Variants in ARID1B observed in about 807,000 individuals in gnomAD.
ARID1B encodes the protein AT-rich interactive domain-containing protein 1B.
ARID1B carries 30 observed loss-of-function variants against 212.3 expected under a neutral mutation model. The observed-to-expected ratio is 0.14, with a 90% confidence interval of 0.11 to 0.19. The LOEUF is 0.19. Ranked by LOEUF, ARID1B falls within the 10% of genes least tolerant of loss-of-function variation. The pLI is 1.00. For synonymous variants in ARID1B, 1,402 were observed against 1,301.7 expected (o/e 1.08, Z -1.66); for missense variants, 2,891 against 3,204.0 (o/e 0.90, Z 2.36).
rs540927693 is a variant in ARID1B, at chr6:157,099,784, G to A, written c.2492-10688G>A. On this transcript the variant is annotated intron_variant, in intron 5 of 19. Transcript: ENST00000636930. ...GGAGGAGAGTTGAAAAGCTTAATCC[G>A]GCAGGTTTTTGACAGTGTATTAGTT... Among the ~76,000 whole-genome samples the A allele has an allele frequency of 5.9e-5, 9 of 152,216 alleles. No homozygotes were observed. The South Asian group carries it at 1.5e-3, about 25-fold the overall frequency.
At chr6:157,136,106 A>G (rs1304873182) in intron 7 of ARID1B, among the ~76,000 whole-genome samples, 1 of 152,158 alleles carries the variant, frequency 6.6e-6, no homozygotes, top group African/African-American at 2.4e-5. Context: ...TGTTTTTTAT[A>G]TATTAACTCA....
chr6:157,180,060 C>A (rs1792394960), intron 11 of ARID1B, among the ~76,000 whole-genome samples: 1 of 151,934 alleles, frequency 6.6e-6, no homozygotes, highest in African/African-American at 2.4e-5. Flanking sequence ...TGTACAATAA[C>A]CCTAGTATTG....
Position 156,778,792 on chromosome 6 carries a change from A to G in ARID1B, c.1112A>G (p.Glu371Gly), listed in dbSNP as rs980540915. 32 of 1,504,292 alleles carry G rather than the reference A, an allele frequency of 2.1e-5. No homozygotes were observed. Among genetic ancestry groups the G allele is most frequent in the Middle Eastern group, 3.4e-4 (2 of 5,876 alleles). The allele number at this position is 1,504,292 out of a possible 1,614,324, so 93.2% of individuals were successfully genotyped here. The change falls in exon 1 of 20, where the codon GAA (glutamate) becomes GGA (glycine). Residue 371 changes from glutamate to glycine, a missense_variant. Transcript: ENST00000636930. ...ATGGACCCCCTGCAGAACTCCCACGAAGGGTACCCCAACAGCCAGTGCAAC... is the reference window on the plus strand; with the variant it reads ...ATGGACCCCCTGCAGAACTCCCACGGAGGGTACCCCAACAGCCAGTGCAAC... ...GSMDPLQNSHEGYPNSQCNHY... is the reference protein window; with the variant it reads ...GSMDPLQNSHGGYPNSQCNHY...
intron 4 of ARID1B, among the ~76,000 whole-genome samples, chr6:157,075,894 A>G (rs1000738721): frequency 1.3e-5 from 2 of 152,214 alleles, no homozygotes; most frequent in African/African-American, 4.8e-5. Flanking sequence ...GGAGGAGGCT[A>G]AGGAGACACG....
rs963501644 is a variant in ARID1B at position 156,800,908 on chromosome 6, T to G, written c.1791+21437T>G. On this transcript the variant is annotated intron_variant, in intron 1 of 19. Coordinates refer to ENST00000636930, the MANE Select transcript of ARID1B (RefSeq NM_001374828.1). ...AGACCGTGTCTCTTAAAAAAAAAAT[T>G]AATTAAATGAAATTAGTTAATGTCT... Among the ~76,000 whole-genome samples, 3 of 152,156 alleles carry G rather than the reference T, an allele frequency of 2.0e-5. No homozygotes were observed. The East Asian group carries it at 5.8e-4, about 29-fold the overall frequency.
At chr6:156,936,902 A>T (rs750370163) in intron 4 of ARID1B, 1 of 152,184 alleles carries the variant, frequency 6.6e-6, no homozygotes, top group Non-Finnish European at 1.5e-5. Flanking sequence ...TGCGTACCAT[A>T]CCATATACAT....
At chr6:156,813,093 C>CACATACGTATGTAT (rs1562404636) in intron 1 of ARID1B, among the ~76,000 whole-genome samples, 12 of 94,014 alleles carry the variant, frequency 1.3e-4, no homozygotes, top group African/African-American at 4.7e-4. Context: ...TATGTATATA[C>CACATACGTATGTAT]ATACATATAT....
At chr6:156,828,453 C>T (rs1166723967) in intron 1 of ARID1B, among the ~76,000 whole-genome samples, 2 of 152,166 alleles carry the variant, frequency 1.3e-5, no homozygotes, top group African/African-American at 2.4e-5. Context: ...CGGGTGAGGG[C>T]CTTTCTACCT....
At chr6:156,914,371 A>T (rs1790177279) in intron 3 of ARID1B, among the ~76,000 whole-genome samples, 1 of 152,198 alleles carries the variant, frequency 6.6e-6, no homozygotes, top group Admixed American at 6.5e-5. Context: ...TTCGCCTGTC[A>T]TTAGGATTCC....
intron 9 of ARID1B, among the ~76,000 whole-genome samples, chr6:157,171,650 T>G (rs1791724117): frequency 6.6e-6 from 1 of 152,236 alleles, no homozygotes; most frequent in Non-Finnish European, 1.5e-5. Context: ...CTATCCTTAT[T>G]TATCTCTCAA....
chr6:157,093,820 T>C (rs1469827902), intron 5 of ARID1B, among the ~76,000 whole-genome samples: 1 of 152,246 alleles, frequency 6.6e-6, no homozygotes, highest in South Asian at 2.1e-4. Context: ...AAGCCAACTA[T>C]CCTAATTGTT....
intron 5 of ARID1B, among the ~76,000 whole-genome samples, chr6:157,090,217 A>T (rs1239631921): frequency 2.6e-5 from 4 of 152,216 alleles, no homozygotes; most frequent in Admixed American, 2.6e-4. Flanking sequence ...AAGCAGCGGC[A>T]GTGTTTAAAT....
At position 156,788,719 on chromosome 6, in the gene ARID1B, G is replaced by A. The variant is rs1383750456; in HGVS notation, c.1791+9248G>A. 2.6e-5 allele frequency among the ~76,000 whole-genome samples: 4 copies of A among 152,324 alleles called. No individual in the cohort carries two copies. In the East Asian group the frequency reaches 5.8e-4, roughly 22 times the overall value. ...AATTATAATTTACTATGCATGGAGG[G>A]TTAGGGCTGCTCTTAAATAGTCAAA... On this transcript the variant is annotated intron_variant, in intron 1 of 19. Coordinates refer to ENST00000636930, the MANE Select transcript of ARID1B (RefSeq NM_001374828.1).
chr6:157,121,474 A>AT (rs1013392660), intron 6 of ARID1B, among the ~76,000 whole-genome samples: 1 of 152,172 alleles, frequency 6.6e-6, no homozygotes, highest in South Asian at 2.1e-4. Flanking sequence ...AAAAATATTC[A>AT]TTTTTTCCTT....
chr6:157,208,055 G>A lies in ARID1B; in HGVS notation c.*164G>A, dbSNP rs1380516612. 8 of 705,420 alleles carry A rather than the reference G, an allele frequency of 1.1e-5. No homozygotes were observed. The highest frequency in any genetic ancestry group is 1.4e-5 in the Non-Finnish European group (7 of 490,512). The allele number at this position is 705,420 out of a possible 1,614,324, so 43.7% of individuals were successfully genotyped here. On this transcript the variant is annotated 3_prime_UTR_variant, in exon 20 of 20. Coordinates refer to ENST00000636930, the MANE Select transcript of ARID1B (RefSeq NM_001374828.1). ...TGGGAATTAAAGAAATAATTAATTT[G>A]AACAGTTATGAAATTAATATTTGCT...
intron 2 of ARID1B, among the ~76,000 whole-genome samples, chr6:156,836,548 A>T (rs1476578702): frequency 6.6e-6 from 1 of 152,220 alleles, no homozygotes; most frequent in African/African-American, 2.4e-5. Context: ...GATACTGGGA[A>T]AATCTGGATC....
chr6:156,940,729 A>T (rs1264533574), intron 4 of ARID1B: 2 of 152,212 alleles, frequency 1.3e-5, no homozygotes, highest in African/African-American at 4.8e-5. Context: ...AGCATGTTTG[A>T]ATATTGCTGA....
At chr6:156,796,228 T>C (rs1228433491) in intron 1 of ARID1B, among the ~76,000 whole-genome samples, 3 of 152,240 alleles carry the variant, frequency 2.0e-5, no homozygotes, top group African/African-American at 7.2e-5. Context: ...AATGTATCAC[T>C]ATCAGGGTTA....
intron 2 of ARID1B, among the ~76,000 whole-genome samples, chr6:156,891,923 G>A (rs1403876158): frequency 6.7e-6 from 1 of 148,836 alleles, no homozygotes; most frequent in African/African-American, 2.5e-5. Flanking sequence ...CCGGGCTGGA[G>A]TACAATGGCG....
Sources: gnomAD v4.1 joint callset for allele counts (sites outside exome capture counted in the v4.1 genomes callset) on GRCh38, gnomAD v4.1.1 for gene constraint, MANE v1.5 for transcripts, NCBI Gene and HGNC (gene_info 2026-07-23, HGNC 2026-07-21) for gene names.